Variants in CREB5 observed in about 807,000 individuals in gnomAD.
The protein encoded by CREB5 is cyclic AMP-responsive element-binding protein 5.
A neutral mutation model predicts 57.1 loss-of-function variants in CREB5; 19 were observed. That is an observed-to-expected ratio of 0.33 (90% CI 0.23 to 0.49). The LOEUF is 0.49. Ranked by LOEUF, CREB5 falls within the 20% of genes least tolerant of loss-of-function variation. CREB5 has a pLI of 0.99. For missense variants in CREB5, 579 were observed against 671.6 expected, an observed-to-expected ratio of 0.86 and a Z score of 1.52; for synonymous variants, 238 against 238.3, an observed-to-expected ratio of 1.00 and a Z score of 0.01.
At chr7:28,503,094 C>G (rs1792332301) in intron 3 of CREB5, among the ~76,000 whole-genome samples, 1 of 152,198 alleles carries the variant, frequency 6.6e-6, no homozygotes, top group African/African-American at 2.4e-5. Context: ...GTCGCATATG[C>G]ATTGAGCCGT....
intron 5 of CREB5, among the ~76,000 whole-genome samples, chr7:28,678,414 A>G (rs903108028): frequency 9.2e-5 from 14 of 152,156 alleles, no homozygotes; most frequent in Non-Finnish European, 1.9e-4. Flanking sequence ...AAATAAAAAT[A>G]AAAGGAAAAT....
chr7:28,589,286 G>C (rs1277843190), intron 5 of CREB5, among the ~76,000 whole-genome samples: 2 of 152,068 alleles, frequency 1.3e-5, no homozygotes, highest in African/African-American at 2.4e-5. Flanking sequence ...TGGGCGCAGT[G>C]GCTCACGCAT....
At chr7:28,460,656 A>G (rs991605573) in intron 1 of CREB5, among the ~76,000 whole-genome samples, 1 of 152,206 alleles carries the variant, frequency 6.6e-6, no homozygotes, top group African/African-American at 2.4e-5. Context: ...CTTCTAAAGA[A>G]CATAGGAATT....
At chr7:28,794,642 A>G (rs1807919759) in intron 7 of CREB5, among the ~76,000 whole-genome samples, 1 of 152,152 alleles carries the variant, frequency 6.6e-6, no homozygotes, top group Admixed American at 6.5e-5. Flanking sequence ...TCAGACCCCC[A>G]AAAAGGCTTT....
intron 1 of CREB5, among the ~76,000 whole-genome samples, chr7:28,455,981 C>T (rs1790077987): frequency 2.0e-5 from 3 of 152,178 alleles, no homozygotes; most frequent in African/African-American, 7.2e-5. Flanking sequence ...TGTTACTGAC[C>T]TGATCAACTT....
chr7:28,799,102 A>G (rs1175988235), intron 7 of CREB5, among the ~76,000 whole-genome samples: 2 of 152,208 alleles, frequency 1.3e-5, no homozygotes, highest in Admixed American at 6.5e-5. Context: ...GACTTCGAAG[A>G]GTGTCCCACA....
intron 4 of CREB5, among the ~76,000 whole-genome samples, chr7:28,560,901 CGCGCGTGCGTGTGCGTGTGTGCGCGT>C (rs1795162259): frequency 1.4e-4 from 3 of 21,650 alleles, no homozygotes; most frequent in South Asian, 3.6e-3. Flanking sequence ...TGTGTGCGTG[CGCGCGTGCGTGTGCGTGTGTGCGCGT>C]GCGTGTGTGC....
chr7:28,628,402 C>T (rs1798081942), intron 5 of CREB5, among the ~76,000 whole-genome samples: 1 of 152,094 alleles, frequency 6.6e-6, no homozygotes, highest in African/African-American at 2.4e-5. Context: ...TTCTGATTTG[C>T]CCCAGAAGGC....
intron 5 of CREB5, among the ~76,000 whole-genome samples, chr7:28,628,983 C>T (rs557923035): frequency 1.8e-4 from 27 of 152,138 alleles, no homozygotes; most frequent in Non-Finnish European, 3.2e-4. Context: ...CCCCTCTTCC[C>T]GCTTAATTTA....
chr7:28,410,003 C>A (rs1254896580), upstream of CREB5: 2 of 453,374 alleles, frequency 4.4e-6, no homozygotes, highest in Non-Finnish European at 8.9e-6. Context: ...GGCGGCGGAA[C>A]CCCCGGAGAA....
chr7:28,650,722 A>T (rs1453827488), intron 5 of CREB5, among the ~76,000 whole-genome samples: 11 of 152,184 alleles, frequency 7.2e-5, no homozygotes, highest in Admixed American at 1.3e-4. Flanking sequence ...AGCAAAGAAA[A>T]AGAATATTAC....
chr7:28,403,660 G>T (rs1156633395), intron 1 of CREB5, among the ~76,000 whole-genome samples: 1 of 152,100 alleles, frequency 6.6e-6, no homozygotes, highest in African/African-American at 2.4e-5. Flanking sequence ...TTTCCTCTCA[G>T]CATGTGAGCA....
At chr7:28,355,849 G>C (rs1273973481) in intron 1 of CREB5, among the ~76,000 whole-genome samples, 1 of 152,192 alleles carries the variant, frequency 6.6e-6, no homozygotes, top group Non-Finnish European at 1.5e-5. Flanking sequence ...GTCACAGAGC[G>C]TAACACCTGA....
intron 5 of CREB5, among the ~76,000 whole-genome samples, chr7:28,609,686 A>G (rs936573088): frequency 3.9e-5 from 6 of 152,204 alleles, no homozygotes; most frequent in Admixed American, 2.0e-4. Context: ...TTGATGCACC[A>G]GGTGCATGGA....
rs1027724917 is a variant in CREB5 at position 28,570,406 on chromosome 7, G to T, written c.333G>T (p.Gly111=). The T allele has an allele frequency of 1.2e-6, 2 of 1,614,018 alleles. No individual in the cohort carries two copies. The highest frequency in any genetic ancestry group is 2.2e-5 in the East Asian group (1 of 44,898). Residue 111 remains glycine, a synonymous_variant, in exon 5 of 11, where the codon GGG becomes GGT. Transcript: ENST00000357727. The part of the protein sequence containing the change: ...MHNAVGGAMT[G]PGTHQLSSAR... ...ATGCAGTTGGTGGGGCCATGACGGGGCCCGGAACTCACCAGCTTAGCAGCG... is the reference window on the plus strand; with the variant it reads ...ATGCAGTTGGTGGGGCCATGACGGGTCCCGGAACTCACCAGCTTAGCAGCG...
intron 5 of CREB5, among the ~76,000 whole-genome samples, chr7:28,673,663 T>A (rs1435045878): frequency 1.6e-5 from 2 of 123,630 alleles, no homozygotes; most frequent in African/African-American, 6.3e-5. Flanking sequence ...CTCTCTTTTT[T>A]TTTTTTTTTT....
intron 1 of CREB5, among the ~76,000 whole-genome samples, chr7:28,364,271 CA>C (rs1345265809): frequency 6.6e-6 from 1 of 152,218 alleles, no homozygotes; most frequent in African/African-American, 2.4e-5. Flanking sequence ...GATTTTTGCA[CA>C]ACTGCTCCCT....
intron 5 of CREB5, among the ~76,000 whole-genome samples, chr7:28,607,735 CTGTGTGTGTGTGTGTGTG>C (rs573980917): frequency 0.1 from 12,943 of 129,218 alleles, 737 homozygotes; most frequent in African/African-American, 0.13. Flanking sequence ...GCCCACAGGG[CTGTGTGTGTGTGTGTGTG>C]TGTGTGTGTG....
At chr7:28,570,973 C>T (rs757022117) in intron 5 of CREB5, among the ~76,000 whole-genome samples, 12 of 152,100 alleles carry the variant, frequency 7.9e-5, no homozygotes, top group Non-Finnish European at 1.5e-4. Context: ...ACAGCAATCC[C>T]TCCCTGTCCG....
Sources: allele counts gnomAD v4.1 joint callset (sites outside exome capture counted in the v4.1 genomes callset), GRCh38; gene constraint gnomAD v4.1.1; transcripts MANE v1.5; gene names NCBI Gene and HGNC (gene_info 2026-07-23, HGNC 2026-07-21).